The following HS3ST4 variants were observed in gnomAD, a reference collection of about 807,000 sequenced individuals.
HS3ST4 encodes heparan sulfate glucosamine 3-O-sulfotransferase 4.
In HS3ST4, 17 loss-of-function variants were observed where a neutral mutation model predicts 29.2. That is an observed-to-expected ratio of 0.58 (90% CI 0.40 to 0.87). The LOEUF is 0.87. Ranked by LOEUF, HS3ST4 falls within the 40% of genes least tolerant of loss-of-function variation. The pLI is 0.00. For synonymous variants in HS3ST4, 314 were observed against 285.7 expected, an observed-to-expected ratio of 1.10 and a Z score of -1.00; for missense variants, 627 against 634.5, an observed-to-expected ratio of 0.99 and a Z score of 0.13.
At chr16:25,985,812 A>G (rs1464092135) in intron 1 of HS3ST4, among the ~76,000 whole-genome samples, 5 of 152,004 alleles carry the variant, frequency 3.3e-5, no homozygotes, top group Admixed American at 2.6e-4. Context: ...CTGCCTCTCA[A>G]TTACCTGGGA....
At chr16:26,079,333 A>C (rs1019824310) in intron 1 of HS3ST4, among the ~76,000 whole-genome samples, 1 of 152,254 alleles carries the variant, frequency 6.6e-6, no homozygotes, top group African/African-American at 2.4e-5. Flanking sequence ...TATCCTTTGA[A>C]AATGAAGAGC....
intron 1 of HS3ST4, among the ~76,000 whole-genome samples, chr16:25,934,602 T>C (rs1017661803): frequency 5.9e-5 from 9 of 152,156 alleles, no homozygotes; most frequent in African/African-American, 2.2e-4. Flanking sequence ...TGTGGTGATC[T>C]TGTAGCTCTG....
intron 1 of HS3ST4, among the ~76,000 whole-genome samples, chr16:25,912,789 G>A (rs966480842): frequency 2.0e-5 from 3 of 152,172 alleles, no homozygotes; most frequent in Non-Finnish European, 2.9e-5. Flanking sequence ...GTCTGGAGAA[G>A]GACATAGTGT....
chr16:26,110,208 G>C (rs1291433981), intron 1 of HS3ST4, among the ~76,000 whole-genome samples: 4 of 152,086 alleles, frequency 2.6e-5, no homozygotes, highest in Non-Finnish European at 5.9e-5. Flanking sequence ...CATCCATGCT[G>C]TTACAATGAC....
At chr16:25,769,204 T>C (rs1223146277) in intron 1 of HS3ST4, among the ~76,000 whole-genome samples, 1 of 152,050 alleles carries the variant, frequency 6.6e-6, no homozygotes, top group Non-Finnish European at 1.5e-5. Context: ...TCAAGATTTG[T>C]TGGGGGTGGA....
chr16:25,786,101 C>T (rs1286763978), intron 1 of HS3ST4, among the ~76,000 whole-genome samples: 3 of 151,862 alleles, frequency 2.0e-5, no homozygotes, highest in African/African-American at 7.3e-5. Flanking sequence ...CTGAGCAGCG[C>T]AATGGAAAAT....
intron 1 of HS3ST4, among the ~76,000 whole-genome samples, chr16:25,854,475 C>CGG (rs760435411): frequency 6.6e-6 from 1 of 151,656 alleles, no homozygotes; most frequent in African/African-American, 2.4e-5. Flanking sequence ...TTCTGTATTG[C>CGG]CATCTGTTTT....
rs527457959 is a variant in HS3ST4 at position 25,871,806 on chromosome 16, A to G, written c.734+178655A>G. 2.9e-3 allele frequency among the ~76,000 whole-genome samples: 438 copies of G among 152,228 alleles called. 4 individuals are homozygous for G. The highest frequency in any genetic ancestry group is 1.6e-3 in the Non-Finnish European group (108 of 68,016). On this transcript the variant is annotated intron_variant, in intron 1 of 1. Transcript: ENST00000331351. Reference sequence around the variant, plus strand: ...CAGTGCATGGGTGGATTTTTTGGGTAAAGGTCCTGGATCAGGCTAGACAAT... The same window carrying G: ...CAGTGCATGGGTGGATTTTTTGGGTGAAGGTCCTGGATCAGGCTAGACAAT...
chr16:26,113,627 T>C (rs1399821418), intron 1 of HS3ST4, among the ~76,000 whole-genome samples: 1 of 152,060 alleles, frequency 6.6e-6, no homozygotes, highest in Non-Finnish European at 1.5e-5. Context: ...GTGATATGAC[T>C]GGTTTTGGTC....
chr16:25,745,335 C>T (rs1490833798), intron 1 of HS3ST4, among the ~76,000 whole-genome samples: 1 of 152,108 alleles, frequency 6.6e-6, no homozygotes, highest in Non-Finnish European at 1.5e-5. Flanking sequence ...GGTCCATGTG[C>T]TACCATTGTT....
chr16:25,717,510 GGTGTGTGTGTGTGTGTGTGTGTGT>G (rs763190199), intron 1 of HS3ST4, among the ~76,000 whole-genome samples: 2 of 132,912 alleles, frequency 1.5e-5, no homozygotes, highest in Admixed American at 7.7e-5. Context: ...AAGGTGAAGG[GGTGTGTGTGTGTGTGTGTGTGTGT>G]GTGTGTGTGT....
intron 1 of HS3ST4, among the ~76,000 whole-genome samples, chr16:25,812,545 C>G (rs577979150): frequency 1.3e-5 from 2 of 152,214 alleles, no homozygotes; most frequent in Admixed American, 6.5e-5. Context: ...TTCTTCTTAC[C>G]TCTCTTCTCC....
chr16:25,736,270 G>A (rs78953682), intron 1 of HS3ST4, among the ~76,000 whole-genome samples: 167 of 152,338 alleles, frequency 1.1e-3, no homozygotes, highest in African/African-American at 3.9e-3. Flanking sequence ...TTGTCATCAT[G>A]TCTCTGCAGT....
Position 26,033,128 on chromosome 16 carries a change from C to T in HS3ST4, c.735-102484C>T, listed in dbSNP as rs943804636. On this transcript the variant is annotated intron_variant, in intron 1 of 1. Transcript: ENST00000331351. ...GTGCAGTGGCTTACACCTGTAATCC[C>T]AGAATTTTGGGAGGCCATGGTAGGA... Among the ~76,000 whole-genome samples, 32 of 152,222 alleles carry T rather than the reference C, an allele frequency of 2.1e-4. 1 individual carries two copies. Among genetic ancestry groups the T allele is most frequent in the Admixed American group, 1.3e-4 (2 of 15,288 alleles).
chr16:25,972,811 C>A (rs1238728418), intron 1 of HS3ST4, among the ~76,000 whole-genome samples: 3 of 152,168 alleles, frequency 2.0e-5, no homozygotes, highest in Non-Finnish European at 4.4e-5. Context: ...GTGCTGCCAG[C>A]CACAGTGGCT....
chr16:25,701,785 G>A (rs1156899694), intron 1 of HS3ST4, among the ~76,000 whole-genome samples: 6 of 152,194 alleles, frequency 3.9e-5, no homozygotes, highest in African/African-American at 1.4e-4. Flanking sequence ...TGGAGAAATG[G>A]ACATGTAAAT....
chr16:26,007,191 C>T (rs1039841291), intron 1 of HS3ST4, among the ~76,000 whole-genome samples: 2 of 152,202 alleles, frequency 1.3e-5, no homozygotes, highest in Non-Finnish European at 2.9e-5. Flanking sequence ...TAGTAGTTGC[C>T]CCTTTACAGA....
Position 25,910,052 on chromosome 16 carries a change from A to G in HS3ST4, c.734+216901A>G, listed in dbSNP as rs182771232. Among the ~76,000 whole-genome samples, 389 of 152,310 alleles carry G rather than the reference A, an allele frequency of 2.6e-3. 2 individuals carry two copies. The highest frequency in any genetic ancestry group is 9.3e-3 in the South Asian group (45 of 4,822). On this transcript the variant is annotated intron_variant, in intron 1 of 1. Transcript: ENST00000331351. The stretch of plus-strand genomic sequence containing the variant: ...AAGATGTGCACTGGCCAAAGATGCC[A>G]GCTGAAGGCATCAATCAGATATAGC...
At chr16:25,814,461 C>G (rs1189063838) in intron 1 of HS3ST4, among the ~76,000 whole-genome samples, 1 of 152,132 alleles carries the variant, frequency 6.6e-6, no homozygotes, top group Non-Finnish European at 1.5e-5. Context: ...ATTCTCCTGC[C>G]TCAGCCTCCT....
Sources: allele counts gnomAD v4.1 joint callset (sites outside exome capture counted in the v4.1 genomes callset), GRCh38; gene constraint gnomAD v4.1.1; transcripts MANE v1.5; gene names NCBI Gene and HGNC (gene_info 2026-07-23, HGNC 2026-07-21).